Variants in FAAH observed in about 807,000 individuals in gnomAD.
FAAH encodes the protein fatty acid amide hydrolase.
In FAAH, 63 loss-of-function variants were observed where a neutral mutation model predicts 69.7. The ratio of observed to expected loss-of-function variants is 0.90; its 90% confidence interval spans 0.74 to 1.12. The LOEUF is 1.12. FAAH is among the 50% of genes most tolerant of loss of function. The pLI, the probability that FAAH is intolerant of heterozygous loss-of-function variation, is 0.00. For missense variants in FAAH, 680 were observed against 755.0 expected, an observed-to-expected ratio of 0.90 and a Z score of 1.16; for synonymous variants, 305 against 324.2, an observed-to-expected ratio of 0.94 and a Z score of 0.64.
intron 1 of FAAH, among the ~76,000 whole-genome samples, chr1:46,397,751 G>A (rs1392817010): frequency 6.7e-6 from 1 of 149,276 alleles, no homozygotes; most frequent in Non-Finnish European, 1.5e-5. Flanking sequence ...TAGTAGAGAC[G>A]GGGCTTCACC....
At chr1:46,400,227 G>C (rs952198346) in intron 1 of FAAH, among the ~76,000 whole-genome samples, 1 of 152,108 alleles carries the variant, frequency 6.6e-6, no homozygotes, top group African/African-American at 2.4e-5. Context: ...GGGGAGAGGT[G>C]CACATGAGTC....
At chr1:46,402,723 C>T (rs906540921) in intron 2 of FAAH, among the ~76,000 whole-genome samples, 2 of 149,300 alleles carry the variant, frequency 1.3e-5, no homozygotes, top group South Asian at 2.1e-4. Flanking sequence ...GATGGAGTCT[C>T]GCTCTGTTGC....
At chr1:46,408,663 C>T (rs1006541401) in intron 8 of FAAH, 79 bp downstream of exon 8, 2 of 1,602,314 alleles carry the variant, frequency 1.2e-6, no homozygotes. Context: ...GCTACTCCAT[C>T]CCTGGCATCC....
rs200922885 is a variant in FAAH at position 46,405,473 on chromosome 1, C to T, written c.546C>T (p.Phe182=). The change falls in exon 4 of 15, where the codon TTC becomes TTT. Residue 182 remains phenylalanine (F), a synonymous_variant. Coordinates refer to ENST00000243167, the MANE Select transcript of FAAH (RefSeq NM_001441.3). The surrounding 1 kb of genome is among the most constrained non-coding windows in gnomAD (Gnocchi z 4.1). The part of the protein sequence containing the change: ...HVLKLQGAVP[F]VHTNVPQSMF... The stretch of plus-strand genomic sequence containing the variant: ...TGAAGCTGCAGGGTGCCGTGCCCTT[C>T]GTGCACACCAATGTTCCACAGTCCA... 49 of 1,486,468 alleles carry T rather than the reference C, an allele frequency of 3.3e-5. No homozygotes were observed. The highest frequency in any genetic ancestry group is 1.8e-4 in the Middle Eastern group (1 of 5,448). The allele number at this position is 1,486,468 out of a possible 1,614,324, so 92.1% of individuals were successfully genotyped here.
Position 46,411,593 on chromosome 1 carries a change from C to T in FAAH, c.1317-19C>T. On this transcript the variant is annotated intron_variant, in intron 11 of 14. Transcript: ENST00000243167. The surrounding 1 kb of genome is among the most constrained non-coding windows in gnomAD (Gnocchi z 4.8). ...TGGCTGTGACCATCATGGCTGGTGA[C>T]CACACTCCTTCTGCCCAGTTCGGCT... The T allele has an allele frequency of 6.8e-6, 11 of 1,613,812 alleles. No homozygotes were observed. The highest frequency in any genetic ancestry group is 9.3e-6 in the Non-Finnish European group (11 of 1,179,876).
chr1:46,404,880 C>A lies in FAAH; in HGVS notation c.310-134C>A. 8.4e-7 allele frequency: 1 copy of A among 1,185,936 alleles called. No individual in the cohort carries two copies. Among genetic ancestry groups the A allele is most frequent in the Non-Finnish European group, 1.2e-6 (1 of 822,186 alleles). The allele number at this position is 1,185,936 out of a possible 1,614,324, so 73.5% of individuals were successfully genotyped here. A position where few individuals can be genotyped will look rare whatever the true frequency, so the allele number is the denominator to read the frequency against. On this transcript the variant is annotated intron_variant, in intron 2 of 14. Transcript: ENST00000243167. The surrounding 1 kb of genome is among the most constrained non-coding windows in gnomAD (Gnocchi z 4.5). ...CCTAGGTCATCCTCTGTGCCCCAGG[C>A]TCTGGGCCATGTTGCTGGTTACCCC...
chr1:46,395,835 A>C (rs1320836879), intron 1 of FAAH, among the ~76,000 whole-genome samples: 3 of 152,198 alleles, frequency 2.0e-5, no homozygotes, highest in African/African-American at 7.2e-5. Context: ...GGCACCTTGC[A>C]TGCCAGCCCA....
rs769686108 is a variant in FAAH at position 46,405,011 on chromosome 1, C to T, written c.310-3C>T. The T allele has an allele frequency of 4.3e-6, 7 of 1,614,056 alleles. No individual in the cohort carries two copies. Among genetic ancestry groups the T allele is most frequent in the Non-Finnish European group, 5.1e-6 (6 of 1,180,032 alleles). On this transcript the variant is annotated splice_polypyrimidine_tract_variant and splice_region_variant and intron_variant, in intron 2 of 14. Transcript: ENST00000243167. This position sits in a 1 kb window ranked among gnomAD's most constrained non-coding sequence, Gnocchi z 4.1. Reference sequence around the variant, plus strand: ...TATCTTATGTCTACTTCCCCTTCCTCAGGCCTGGGAAGTGAACAAAGGGAC... The same window carrying T: ...TATCTTATGTCTACTTCCCCTTCCTTAGGCCTGGGAAGTGAACAAAGGGAC...
intron 7 of FAAH, among the ~76,000 whole-genome samples, chr1:46,407,613 C>G (rs1013317035): frequency 6.6e-6 from 1 of 151,972 alleles, no homozygotes; most frequent in Non-Finnish European, 1.5e-5. Flanking sequence ...CTCTCTGTCT[C>G]TGTGTGCGTT....
chr1:46,394,717 G>A (rs1664566648), intron 1 of FAAH, among the ~76,000 whole-genome samples, 174 bp downstream of exon 1: 1 of 152,246 alleles, frequency 6.6e-6, no homozygotes, highest in Admixed American at 6.5e-5. Context: ...GTAGAGCACG[G>A]GGGAAGAAAG....
chr1:46,399,700 G>T (rs1266812076), intron 1 of FAAH, among the ~76,000 whole-genome samples: 1 of 152,164 alleles, frequency 6.6e-6, no homozygotes, highest in East Asian at 1.9e-4. Flanking sequence ...CAATGAACCT[G>T]TATTTATATA....
chr1:46,405,257 C>T lies in FAAH; in HGVS notation c.444+109C>T, dbSNP rs969244893. The T allele has an allele frequency of 9.9e-6, 16 of 1,609,578 alleles. No individual in the cohort carries two copies. Among genetic ancestry groups the T allele is most frequent in the African/African-American group, 1.3e-5 (1 of 74,902 alleles). ...TAGAGGAGGTATCAGGTCCAGAGGC[C>T]TTCCGAGGGGACACTGGTATACCTG... On this transcript the variant is annotated intron_variant, in intron 3 of 14. Coordinates refer to ENST00000243167, the MANE Select transcript of FAAH (RefSeq NM_001441.3). This position sits in a 1 kb window ranked among gnomAD's most constrained non-coding sequence, Gnocchi z 4.1.
rs1557762763 is a variant in FAAH, at chr1:46,413,235, G to C, written c.1611+15G>C. The C allele has an allele frequency of 6.2e-7, 1 of 1,614,006 alleles. No individual in the cohort carries two copies. Among genetic ancestry groups the C allele is most frequent in the Admixed American group, 1.7e-5 (1 of 60,016 alleles). ...TGCTGCAGAAGGTGAGGACTGACCTGCCCCTCAACTGGACTCACTCCCCAC... is the reference window on the plus strand; with the variant it reads ...TGCTGCAGAAGGTGAGGACTGACCTCCCCCTCAACTGGACTCACTCCCCAC... On this transcript the variant is annotated intron_variant, in intron 14 of 14. Coordinates refer to ENST00000243167, the MANE Select transcript of FAAH (RefSeq NM_001441.3).
Position 46,413,758 on chromosome 1 carries a change from T to G in FAAH, c.*183T>G. On this transcript the variant is annotated 3_prime_UTR_variant, in exon 15 of 15. Transcript: ENST00000243167. Reference sequence around the variant, plus strand: ...GTCTGGACCTCCATCCCTGCTCTGGTCCCCTCTCTTCGTCCTGATCCCTCC... The same window carrying G: ...GTCTGGACCTCCATCCCTGCTCTGGGCCCCTCTCTTCGTCCTGATCCCTCC... The G allele has an allele frequency of 1.3e-6, 1 of 798,912 alleles. No individual in the cohort carries two copies. Among genetic ancestry groups the G allele is most frequent in the Non-Finnish European group, 2.0e-6 (1 of 494,928 alleles). 49.5% of individuals were successfully genotyped at this position (798,912 alleles called of 1,614,324 possible). A position where few individuals can be genotyped will look rare whatever the true frequency, so the allele number is the denominator to read the frequency against.
chr1:46,413,247 G>A lies in FAAH; in HGVS notation c.1611+27G>A, dbSNP rs200445297. Reference sequence around the variant, plus strand: ...TGAGGACTGACCTGCCCCTCAACTGGACTCACTCCCCACCCTGACTCTGGC... The same window carrying A: ...TGAGGACTGACCTGCCCCTCAACTGAACTCACTCCCCACCCTGACTCTGGC... On this transcript the variant is annotated intron_variant, in intron 14 of 14. Transcript: ENST00000243167. 6.4e-5 allele frequency: 104 copies of A among 1,613,784 alleles called. 1 individual carries two copies. Among genetic ancestry groups the A allele is most frequent in the Admixed American group, 3.3e-4 (20 of 60,000 alleles).
intron 1 of FAAH, among the ~76,000 whole-genome samples, chr1:46,401,457 G>A (rs1569810472): frequency 5.3e-5 from 8 of 152,074 alleles, no homozygotes; most frequent in African/African-American, 1.9e-4. Flanking sequence ...TTCCTTTTGG[G>A]TGTGGCCTTC....
At position 46,410,665 on chromosome 1, in the gene FAAH, C is replaced by A; in HGVS notation, c.1276-149C>A. 1.7e-6 allele frequency: 2 copies of A among 1,148,260 alleles called. No individual in the cohort carries two copies. The highest frequency in any genetic ancestry group is 2.6e-6 in the Non-Finnish European group (2 of 761,842). The allele number at this position is 1,148,260 out of a possible 1,614,324, so 71.1% of individuals were successfully genotyped here. On this transcript the variant is annotated intron_variant, in intron 10 of 14. Transcript: ENST00000243167. This position sits in a 1 kb window ranked among gnomAD's most constrained non-coding sequence, Gnocchi z 4.9. ...GCTCTCCTCCTCTGTCCCCTGCGAT[C>A]TTCAGCCAACCCGCATGCTGAAAGG...
At chr1:46,406,551 C>T (rs1457964793) in intron 7 of FAAH, among the ~76,000 whole-genome samples, 183 bp downstream of exon 7, 1 of 150,344 alleles carries the variant, frequency 6.7e-6, no homozygotes, top group Non-Finnish European at 1.5e-5. Context: ...TGGAAATCCT[C>T]AGGCTTTTTT....
In FAAH at chr1:46,408,716, G is replaced by A. The variant is rs1569821059; in HGVS notation, c.1077+132G>A. The stretch of plus-strand genomic sequence containing the variant: ...TGTCGTCGGGGTGAACTGTGACCCT[G>A]TGGGACAAGTATATAGAGGGCTGAT... On this transcript the variant is annotated intron_variant, in intron 8 of 14. Transcript: ENST00000243167. 4 of 1,357,158 alleles carry A rather than the reference G, an allele frequency of 2.9e-6. No homozygotes were observed. The South Asian group carries it at 4.7e-5, about 16-fold the overall frequency. 84.1% of individuals were successfully genotyped at this position (1,357,158 alleles called of 1,614,324 possible). A position where few individuals can be genotyped will look rare whatever the true frequency, so the allele number is the denominator to read the frequency against.
Sources: allele counts gnomAD v4.1 joint callset (sites outside exome capture counted in the v4.1 genomes callset), GRCh38; gene constraint gnomAD v4.1.1; non-coding constraint Gnocchi (gnomAD v3.1); transcripts MANE v1.5; gene names NCBI Gene and HGNC (gene_info 2026-07-23, HGNC 2026-07-21).